Variants in IRF6 observed in about 807,000 individuals in gnomAD.
IRF6 encodes Van der Woude syndrome.
A neutral mutation model predicts 51.4 loss-of-function variants in IRF6; 6 were observed. The observed-to-expected ratio is 0.12, with a 90% CI of 0.06 to 0.23. The LOEUF (loss-of-function observed/expected upper bound fraction) is 0.23. Ranked by LOEUF, IRF6 falls within the 10% of genes least tolerant of loss-of-function variation. The probability of loss-of-function intolerance (pLI) is 1.00; values close to 1 mark genes in which losing one functional copy is unlikely to be tolerated. For synonymous variants in IRF6, 178 were observed against 215.7 expected (o/e 0.83, Z 1.53); for missense variants, 348 against 585.2 (o/e 0.59, Z 4.18).
intron 5 of IRF6, among the ~76,000 whole-genome samples, chr1:209,794,273 G>A (rs147628811): frequency 6.6e-6 from 1 of 152,308 alleles, no homozygotes; most frequent in East Asian, 1.9e-4. Flanking sequence ...TCTGACTGGT[G>A]TGAGATGGTA....
intron 1 of IRF6, among the ~76,000 whole-genome samples, chr1:209,805,452 G>A (rs1221488388): frequency 6.6e-6 from 1 of 152,150 alleles, no homozygotes; most frequent in Non-Finnish European, 1.5e-5. Flanking sequence ...GGCCCAGGGC[G>A]AAGGGCCTAA....
At chr1:209,802,166 G>C (rs2077948202) in intron 1 of IRF6, 123 bp from the exon 2 acceptor site, 1 of 152,216 alleles carries the variant, frequency 6.6e-6, no homozygotes, top group South Asian at 2.1e-4. Context: ...GTCTGGTAAA[G>C]CTCAGAAGCC....
At chr1:209,800,412 CA>C (rs1397288415) in intron 3 of IRF6, among the ~76,000 whole-genome samples, 3 of 152,160 alleles carry the variant, frequency 2.0e-5, no homozygotes, top group Non-Finnish European at 4.4e-5. Flanking sequence ...GTAATTAAAT[CA>C]CCTTTGATTT....
chr1:209,794,085 AC>A (rs1474153075), intron 5 of IRF6, among the ~76,000 whole-genome samples: 1 of 152,160 alleles, frequency 6.6e-6, no homozygotes, highest in East Asian at 1.9e-4. Context: ...TTGGGTATAT[AC>A]CCAATAATAG....
Position 209,803,373 on chromosome 1 carries a change from G to A in IRF6, c.-75-1330C>T, listed in dbSNP as rs78889756. Among the ~76,000 whole-genome samples, 297 of 152,316 alleles carry A rather than the reference G, an allele frequency of 1.9e-3. 2 individuals carry two copies. Among genetic ancestry groups the A allele is most frequent in the African/African-American group, 6.8e-3 (282 of 41,560 alleles). ...AGACATTAAAATCCAACTCTTGACT[G>A]ATAGTGGACTGGAAGAAAAGTCCAA... is the stretch of plus-strand genomic sequence containing the variant. On this transcript the variant is annotated intron_variant, in intron 1 of 8. Transcript: ENST00000367021.
chr1:209,789,784 A>T lies in IRF6; in HGVS notation c.1062T>A (p.Asp354Glu), dbSNP rs754762816. The change falls in exon 8 of 9, where the codon GAT becomes GAA. Residue 354 changes from aspartate to glutamate, a missense_variant and splice_region_variant. Physicochemically the swap from Asp to Glu is conservative, Grantham distance 45 (BLOSUM62 2). Transcript: ENST00000367021. ...KLFCLETFLS[D>E]LIAHQKGQIE... is the part of the protein sequence containing the mutation. ...TCTGTCCTTTCTGGTGGGCAATGAG[A>T]TCTGCAGAAAGTGGAAGAGCAAGTT... 3 of 1,610,038 alleles carry T rather than the reference A, an allele frequency of 1.9e-6. No individual in the cohort carries two copies. Among genetic ancestry groups the T allele is most frequent in the Non-Finnish European group, 2.5e-6 (3 of 1,176,654 alleles).
At chr1:209,789,870 A>G in intron 7 of IRF6, 85 bp from the exon 8 acceptor site, 2 of 886,688 alleles carry the variant, frequency 2.3e-6, no homozygotes, top group East Asian at 2.4e-5. Context: ...TGTCCATTAC[A>G]ATAGCCACTA....
At chr1:209,805,911 T>A (rs1037580067) in intron 1 of IRF6, 36 bp downstream of exon 1, 1 of 152,240 alleles carries the variant, frequency 6.6e-6, no homozygotes, top group African/African-American at 2.4e-5. Context: ...GAGCCTCTCC[T>A]CCCTCAAGCT....
rs1189145899 is a variant in IRF6 at position 209,787,198 on chromosome 1, C to G, written c.*1222G>C. On this transcript the variant is annotated 3_prime_UTR_variant, in exon 9 of 9. Transcript: ENST00000367021. ...TGCCACTGCACTCCAGCCTGGGCAA[C>G]AAAGCAAGACTCTGTCTCAAAAAAG... 6.6e-6 allele frequency: 1 copy of G among 152,300 alleles called. No homozygotes were observed. Among genetic ancestry groups the G allele is most frequent in the African/African-American group, 2.4e-5 (1 of 41,430 alleles). The allele number at this position is 152,300 out of a possible 1,614,324, so 9.4% of individuals were successfully genotyped here. A position where few individuals can be genotyped will look rare whatever the true frequency, so the allele number is the denominator to read the frequency against.
intron 8 of IRF6, 81 bp downstream of exon 8, chr1:209,789,586 T>C: frequency 1.0e-6 from 1 of 983,302 alleles, no homozygotes; most frequent in Non-Finnish European, 1.6e-6. Context: ...GATGGATGCT[T>C]GATGAGGGCT....
At chr1:209,793,783 A>G (rs2077883887) in intron 5 of IRF6, among the ~76,000 whole-genome samples, 1 of 152,088 alleles carries the variant, frequency 6.6e-6, no homozygotes, top group Admixed American at 6.5e-5. Context: ...ATGTGTACTC[A>G]ATGTTTAGCT....
intron 6 of IRF6, among the ~76,000 whole-genome samples, chr1:209,791,912 A>C (rs1237701175): frequency 6.6e-6 from 1 of 152,270 alleles, no homozygotes; most frequent in East Asian, 1.9e-4. Flanking sequence ...CAGCCTCCCA[A>C]GTAACAGGGA....
intron 5 of IRF6, among the ~76,000 whole-genome samples, chr1:209,793,553 T>C (rs1160398228): frequency 3.3e-5 from 5 of 150,456 alleles, no homozygotes; most frequent in African/African-American, 1.2e-4. Context: ...ATGTAACGTG[T>C]GGCAATTTTT....
Position 209,790,685 on chromosome 1 carries a change from G to A in IRF6, c.870C>T (p.Phe290=). ...EHITNEKQKL[F]TSKLLDVMDR... is the part of the protein sequence containing the mutation. ...CCATGACGTCCAGCAGCTTGCTAGT[G>A]AACAGCTTCTGCTTCTCATTGGTAA... The change falls in exon 7 of 9, where the codon TTC becomes TTT. Residue 290 remains phenylalanine, a synonymous_variant. Transcript: ENST00000367021. The surrounding 1 kb of genome is among the most constrained non-coding windows in gnomAD (Gnocchi z 4.8). 6.2e-7 allele frequency: 1 copy of A among 1,614,214 alleles called. No individual in the cohort carries two copies. The highest frequency in any genetic ancestry group is 8.5e-7 in the Non-Finnish European group (1 of 1,180,048).
Position 209,787,193 on chromosome 1 carries a change from G to C in IRF6, c.*1227C>G, listed in dbSNP as rs2077839682. 6.6e-6 allele frequency: 1 copy of C among 152,348 alleles called. No individual in the cohort carries two copies. Among genetic ancestry groups the C allele is most frequent in the African/African-American group, 2.4e-5 (1 of 41,438 alleles). 9.4% of individuals were successfully genotyped at this position (152,348 alleles called of 1,614,324 possible). On this transcript the variant is annotated 3_prime_UTR_variant, in exon 9 of 9. Transcript: ENST00000367021. ...TGACTTGCCACTGCACTCCAGCCTG[G>C]GCAACAAAGCAAGACTCTGTCTCAA...
intron 8 of IRF6, among the ~76,000 whole-genome samples, chr1:209,789,324 C>CAA (rs983621256): frequency 7.9e-4 from 95 of 119,982 alleles, no homozygotes; most frequent in Non-Finnish European, 8.5e-4. Flanking sequence ...ACCATGTCTC[C>CAA]AAAAAAAAAA....
At chr1:209,805,743 G>T (rs989568865) in intron 1 of IRF6, among the ~76,000 whole-genome samples, 4 of 148,788 alleles carry the variant, frequency 2.7e-5, no homozygotes, top group African/African-American at 5.0e-5. Flanking sequence ...TTCGAGAGGG[G>T]CCTAGCGCTA....
intron 6 of IRF6, among the ~76,000 whole-genome samples, chr1:209,791,423 T>C (rs2077868436): frequency 6.6e-6 from 1 of 152,204 alleles, no homozygotes; most frequent in African/African-American, 2.4e-5. Flanking sequence ...TTGAACCCAA[T>C]AGCCCCTATC....
chr1:209,788,741 T>C, intron 8 of IRF6, 97 bp from the exon 9 acceptor site: 2 of 890,734 alleles, frequency 2.2e-6, no homozygotes, highest in East Asian at 2.6e-5. Context: ...AAAGAGGCCC[T>C]GAGGAAGACC....
Sources: gnomAD v4.1 joint callset for allele counts (sites outside exome capture counted in the v4.1 genomes callset) on GRCh38, gnomAD v4.1.1 for gene constraint, Gnocchi (gnomAD v3.1) non-coding constraint, MANE v1.5 for transcripts, NCBI Gene and HGNC (gene_info 2026-07-23, HGNC 2026-07-21) for gene names.